NUDT7: variants seen among roughly 807,000 people sequenced by gnomAD.
The protein encoded by NUDT7 is nudix hydrolase 7.
NUDT7 carries 19 observed loss-of-function variants against 13.1 expected under a neutral mutation model. The observed-to-expected ratio is 1.45, with a 90% CI of 1.01 to 2.13. NUDT7 has a LOEUF of 2.13. NUDT7 is among the 30% of genes most tolerant of loss of function. The pLI, the probability that NUDT7 is intolerant of heterozygous loss-of-function variation, is 0.00. For synonymous variants in NUDT7, 132 were observed against 109.7 expected (o/e 1.20, Z -1.27); for missense variants, 360 against 291.7 (o/e 1.23, Z -1.71).
intron 2 of NUDT7, among the ~76,000 whole-genome samples, chr16:77,732,864 T>A (rs1456376581): frequency 1.3e-5 from 2 of 152,232 alleles, no homozygotes; most frequent in Non-Finnish European, 2.9e-5. Context: ...GAGGTGCGTT[T>A]GTCCCTGGCT....
At chr16:77,722,750 G>T (rs2013999127) in intron 1 of NUDT7, 133 bp downstream of exon 1, 1 of 803,156 alleles carries the variant, frequency 1.2e-6, no homozygotes, top group Non-Finnish European at 2.1e-6. Flanking sequence ...GCCGGATGGG[G>T]GAGCACTCGC....
At chr16:77,727,711 C>A (rs2014182483) in intron 2 of NUDT7, among the ~76,000 whole-genome samples, 1 of 152,072 alleles carries the variant, frequency 6.6e-6, no homozygotes, top group Non-Finnish European at 1.5e-5. Context: ...AAAAAATTAG[C>A]CAGGCGTGGT....
At chr16:77,735,728 G>A (rs1455377308) in intron 2 of NUDT7, 100 bp from the exon 3 acceptor site, 1 of 1,088,864 alleles carries the variant, frequency 9.2e-7, no homozygotes, top group Non-Finnish European at 1.3e-6. Context: ...GGTAAGAATG[G>A]TCTCTGGTAC....
At chr16:77,739,325 G>T (rs1419174930) in intron 3 of NUDT7, among the ~76,000 whole-genome samples, 2 of 152,202 alleles carry the variant, frequency 1.3e-5, no homozygotes, top group African/African-American at 4.8e-5. Context: ...GCTAAACAAG[G>T]GGTGGGTTAT....
At chr16:77,733,534 C>T (rs1329094248) in intron 2 of NUDT7, among the ~76,000 whole-genome samples, 1 of 152,220 alleles carries the variant, frequency 6.6e-6, no homozygotes, top group Admixed American at 6.5e-5. Context: ...GGAGAATAAA[C>T]ATTCAGGCCA....
rs572230956 is a variant in NUDT7 at position 77,736,017 on chromosome 16, C to G, written c.348+31C>G. 8 of 1,603,442 alleles carry G rather than the reference C, an allele frequency of 5.0e-6. No individual in the cohort carries two copies. The East Asian group carries it at 1.8e-4, about 36-fold the overall frequency. ...GGTTTCCTGAGACACTCATGAGCAC[C>G]GTCCCCACCCCCAGGTGGATCTACT... On this transcript the variant is annotated intron_variant, in intron 3 of 3. Transcript: ENST00000268533.
At chr16:77,724,342 G>A (rs1053308891) in intron 1 of NUDT7, among the ~76,000 whole-genome samples, 1 of 152,110 alleles carries the variant, frequency 6.6e-6, no homozygotes. Flanking sequence ...GCTCACTGCA[G>A]CCTTGAACTC....
Position 77,741,730 on chromosome 16 carries a change from T to G in NUDT7, c.497T>G (p.Leu166Arg). 6.2e-7 allele frequency: 1 copy of G among 1,614,138 alleles called. No individual in the cohort carries two copies. Among genetic ancestry groups the G allele is most frequent in the Non-Finnish European group, 8.5e-7 (1 of 1,180,010 alleles). The change falls in exon 4 of 4, where the codon CTT (leucine) becomes CGT (arginine). Residue 166 changes from leucine to arginine, a missense_variant. Physicochemically the swap from Leu to Arg is moderately radical, Grantham distance 102 (BLOSUM62 -2). Coordinates refer to ENST00000268533, the MANE Select transcript of NUDT7 (RefSeq NM_001105663.3). ...CATGACCAGCATTACGTCACACGTC[T>G]TGGTCACCGTTTTATTAATCATATC... ...QVHDQHYVTR[L>R]GHRFINHIFE...
At chr16:77,726,576 C>A (rs1003429079) in intron 2 of NUDT7, among the ~76,000 whole-genome samples, 3 of 152,102 alleles carry the variant, frequency 2.0e-5, no homozygotes, top group African/African-American at 7.2e-5. Flanking sequence ...GTGGGAGGAT[C>A]ACGAGGTCAG....
At chr16:77,741,383 C>A in intron 3 of NUDT7, 199 bp from the exon 4 acceptor site, 1 of 531,308 alleles carries the variant, frequency 1.9e-6, no homozygotes, top group Non-Finnish European at 3.3e-6. Context: ...TTTTCAGAGT[C>A]ATCTCATAGA....
chr16:77,736,022 C>T (rs778491562), intron 3 of NUDT7, 36 bp downstream of exon 3: 1 of 1,599,104 alleles, frequency 6.3e-7, no homozygotes, highest in Non-Finnish European at 8.6e-7. Context: ...AGCACCGTCC[C>T]CACCCCCAGG....
At chr16:77,727,623 G>A (rs11864586) in intron 2 of NUDT7, among the ~76,000 whole-genome samples, 8,843 of 152,296 alleles carry the variant, frequency 0.058, 893 homozygotes, top group African/African-American at 0.2. Flanking sequence ...GGGAGGCTGA[G>A]GTGGGCGGAT....
chr16:77,739,859 G>A (rs1297579953), intron 3 of NUDT7, among the ~76,000 whole-genome samples: 4 of 152,236 alleles, frequency 2.6e-5, no homozygotes, highest in South Asian at 4.1e-4. Flanking sequence ...CTGGGGCTGG[G>A]GAGCATGAAA....
intron 1 of NUDT7, among the ~76,000 whole-genome samples, chr16:77,723,147 A>G (rs935589397): frequency 1.3e-5 from 2 of 152,214 alleles, no homozygotes; most frequent in Non-Finnish European, 2.9e-5. Flanking sequence ...TCCAGCGGCC[A>G]GCCCCTAAAG....
At chr16:77,738,411 G>T (rs1242966375) in intron 3 of NUDT7, among the ~76,000 whole-genome samples, 1 of 152,190 alleles carries the variant, frequency 6.6e-6, no homozygotes. Flanking sequence ...TAAAAAGTCT[G>T]CTTTGTTTGG....
At chr16:77,730,203 TATACA>T (rs1419131234) in intron 2 of NUDT7, among the ~76,000 whole-genome samples, 4 of 152,178 alleles carry the variant, frequency 2.6e-5, no homozygotes, top group Admixed American at 6.5e-5. Flanking sequence ...GTTACCATAG[TATACA>T]ATACATCTCT....
chr16:77,742,155 G>A lies in NUDT7; in HGVS notation c.*205G>A, dbSNP rs2014689159. ...CAAAAATGAAAACTATGTTCATAGT[G>A]TTGCATATTTTCACCCACAATATGT... On this transcript the variant is annotated 3_prime_UTR_variant, in exon 4 of 4. Transcript: ENST00000268533. 1.6e-6 allele frequency: 2 copies of A among 1,249,462 alleles called. No individual in the cohort carries two copies. Among genetic ancestry groups the A allele is most frequent in the South Asian group, 4.7e-5 (2 of 42,718 alleles). The allele number at this position is 1,249,462 out of a possible 1,614,324, so 77.4% of individuals were successfully genotyped here.
At chr16:77,735,689 G>A (rs1369267695) in intron 2 of NUDT7, 139 bp from the exon 3 acceptor site, 2 of 755,138 alleles carry the variant, frequency 2.6e-6, no homozygotes, top group Admixed American at 4.6e-5. Context: ...CACATTTGTG[G>A]GCAATAGGGG....
Position 77,741,994 on chromosome 16 carries a change from G to A in NUDT7, c.*44G>A. On this transcript the variant is annotated 3_prime_UTR_variant, in exon 4 of 4. Coordinates refer to ENST00000268533, the MANE Select transcript of NUDT7 (RefSeq NM_001105663.3). ...AAAGAACTATTCACGAGGATTCTGT[G>A]TGTGCTTATTCGTAGAACAACAACA... The A allele has an allele frequency of 2.6e-6, 4 of 1,520,574 alleles. No individual in the cohort carries two copies. The highest frequency in any genetic ancestry group is 3.5e-6 in the Non-Finnish European group (4 of 1,141,752). The allele number at this position is 1,520,574 out of a possible 1,614,324, so 94.2% of individuals were successfully genotyped here. A position where few individuals can be genotyped will look rare whatever the true frequency, so the allele number is the denominator to read the frequency against.
Sources: allele counts gnomAD v4.1 joint callset (sites outside exome capture counted in the v4.1 genomes callset), GRCh38; gene constraint gnomAD v4.1.1; transcripts MANE v1.5; gene names NCBI Gene and HGNC (gene_info 2026-07-23, HGNC 2026-07-21).